CC2D2B: variants seen among roughly 807,000 people sequenced by gnomAD.
The protein encoded by CC2D2B is protein CC2D2B.
CC2D2B carries 128 observed loss-of-function variants against 161.2 expected under a neutral mutation model. The ratio of observed to expected loss-of-function variants is 0.79; its 90% confidence interval spans 0.69 to 0.92. The LOEUF is 0.92. CC2D2B is among the 40% of genes least tolerant of loss of function. The probability of loss-of-function intolerance (pLI) is 0.00; values close to 1 mark genes in which losing one functional copy is unlikely to be tolerated. For missense variants in CC2D2B, 1,173 were observed against 1,375.1 expected, an observed-to-expected ratio of 0.85 and a Z score of 2.32; for synonymous variants, 391 against 449.8, an observed-to-expected ratio of 0.87 and a Z score of 1.65.
At chr10:95,996,092 C>T (rs1201962124) in intron 23 of CC2D2B, 51 bp from the exon 24 acceptor site, 7 of 793,818 alleles carry the variant, frequency 8.8e-6, no homozygotes, top group East Asian at 6.0e-5. Context: ...CTACCTTTAT[C>T]GACTATATAT....
In CC2D2B at chr10:96,019,183, C is replaced by T. The variant is rs1361770201; in HGVS notation, c.3631-20C>T. The T allele has an allele frequency of 1.3e-6, 2 of 1,549,658 alleles. No homozygotes were observed. Among genetic ancestry groups the T allele is most frequent in the Non-Finnish European group, 1.7e-6 (2 of 1,151,306 alleles). Reference sequence around the variant, plus strand: ...AATTATTTAAATCCACCAAAAATTACTTTCTTTTTTCTCATACAGGGGCAT... The same window carrying T: ...AATTATTTAAATCCACCAAAAATTATTTTCTTTTTTCTCATACAGGGGCAT... On this transcript the variant is annotated intron_variant, in intron 30 of 34. Transcript: ENST00000646931.
chr10:95,925,293 A>G (rs1416067865), intron 5 of CC2D2B, among the ~76,000 whole-genome samples: 2 of 152,198 alleles, frequency 1.3e-5, no homozygotes, highest in Admixed American at 6.5e-5. Context: ...AGTAGCCTTA[A>G]AGTTCCTAGT....
intron 17 of CC2D2B, among the ~76,000 whole-genome samples, chr10:95,981,330 T>C (rs551783746): frequency 2.2e-4 from 32 of 145,974 alleles, no homozygotes; most frequent in African/African-American, 7.6e-4. Flanking sequence ...GAGGCAGAGG[T>C]TGCAGTGAGC....
intron 3 of CC2D2B, among the ~76,000 whole-genome samples, chr10:95,923,562 A>G (rs1221305462): frequency 6.6e-6 from 1 of 152,192 alleles, no homozygotes; most frequent in Non-Finnish European, 1.5e-5. Context: ...TTTTTGTATT[A>G]GTATACTTCA....
At chr10:95,993,946 GTATGTGTATATA>G (rs1242207305) in intron 22 of CC2D2B, among the ~76,000 whole-genome samples, 397 of 28,984 alleles carry the variant, frequency 0.014, 28 homozygotes, top group Non-Finnish European at 0.02. Flanking sequence ...GTGTGTGTAT[GTATGTGTATATA>G]TATATATATA....
At chr10:95,912,864 G>A (rs771181784) in intron 2 of CC2D2B, among the ~76,000 whole-genome samples, 22 of 152,006 alleles carry the variant, frequency 1.4e-4, no homozygotes, top group Admixed American at 1.3e-3. Flanking sequence ...TAGGTATGGG[G>A]TACATGAGAT....
At chr10:95,999,936 G>C in intron 24 of CC2D2B, 1 of 530,436 alleles carries the variant, frequency 1.9e-6, no homozygotes, top group Admixed American at 2.5e-5. Context: ...CACGTGTTTC[G>C]GGAAGCTATC....
At chr10:95,985,811 G>C (rs575386196) in intron 19 of CC2D2B, among the ~76,000 whole-genome samples, 5 of 152,328 alleles carry the variant, frequency 3.3e-5, no homozygotes, top group African/African-American at 1.2e-4. Context: ...CTGAGAAAGA[G>C]AATGTGTGCC....
intron 24 of CC2D2B, chr10:95,999,834 C>T: frequency 4.2e-6 from 2 of 474,026 alleles, no homozygotes. Context: ...CATTGGGTCT[C>T]ACAAAGGGTG....
At chr10:95,917,883 T>C (rs1204199398) in intron 2 of CC2D2B, among the ~76,000 whole-genome samples, 1 of 152,158 alleles carries the variant, frequency 6.6e-6, no homozygotes, top group Non-Finnish European at 1.5e-5. Context: ...TTCAGATGAT[T>C]TTCCTGCCTC....
intron 15 of CC2D2B, among the ~76,000 whole-genome samples, chr10:95,971,198 G>T (rs371761282): frequency 6.6e-6 from 1 of 151,942 alleles, no homozygotes; most frequent in Non-Finnish European, 1.5e-5. Context: ...AGTTCAGCCC[G>T]GCCAAAATGA....
chr10:96,025,665 C>T (rs1470667410), intron 33 of CC2D2B, among the ~76,000 whole-genome samples: 1 of 152,216 alleles, frequency 6.6e-6, no homozygotes, highest in Non-Finnish European at 1.5e-5. Flanking sequence ...GCTGGACACT[C>T]CCAGCCTCCC....
chr10:96,027,161 A>C, intron 33 of CC2D2B, 51 bp from the exon 34 acceptor site: 1 of 1,273,720 alleles, frequency 7.9e-7, no homozygotes, highest in Non-Finnish European at 1.1e-6. Flanking sequence ...TATTATATTT[A>C]CCAAATGAGT....
At chr10:95,934,622 C>T (rs186840004) in intron 6 of CC2D2B, among the ~76,000 whole-genome samples, 375 of 152,224 alleles carry the variant, frequency 2.5e-3, no homozygotes, top group Non-Finnish European at 4.2e-3. Flanking sequence ...TCCCTCAGGG[C>T]TTCCCTTGGC....
intron 6 of CC2D2B, among the ~76,000 whole-genome samples, chr10:95,929,930 A>G (rs965944014): frequency 6.6e-6 from 1 of 152,180 alleles, no homozygotes; most frequent in African/African-American, 2.4e-5. Context: ...AATTCTGTGA[A>G]GAAAGTCAAT....
intron 2 of CC2D2B, among the ~76,000 whole-genome samples, chr10:95,916,977 G>A (rs2141129896): frequency 6.6e-6 from 1 of 152,246 alleles, no homozygotes; most frequent in Non-Finnish European, 1.5e-5. Context: ...GTTCAGTGTT[G>A]AAAGTGGGCT....
At chr10:95,964,927 C>A (rs1250949384) in intron 12 of CC2D2B, among the ~76,000 whole-genome samples, 1 of 152,128 alleles carries the variant, frequency 6.6e-6, no homozygotes, top group Non-Finnish European at 1.5e-5. Context: ...AAGAAACCAT[C>A]TTCCCATTAG....
intron 29 of CC2D2B, 50 bp from the exon 30 acceptor site, chr10:96,016,151 C>A: frequency 7.9e-7 from 1 of 1,269,870 alleles, no homozygotes; most frequent in Non-Finnish European, 1.1e-6. Context: ...CGTTACTCAA[C>A]TTTCCCGCAC....
In CC2D2B at chr10:95,922,117, T is replaced by A. The variant is rs767416491; in HGVS notation, c.97+41T>A. On this transcript the variant is annotated intron_variant, in intron 3 of 34. Transcript: ENST00000646931. ...ACCATAACTCTGATACTCTTCATTT[T>A]TATTTTTAAAGATGTAAATGATTAA... 1.1e-5 allele frequency: 12 copies of A among 1,090,320 alleles called. No homozygotes were observed. In the South Asian group the frequency reaches 1.4e-4, roughly 13 times the overall value. 67.5% of individuals were successfully genotyped at this position (1,090,320 alleles called of 1,614,324 possible).
Sources: allele counts gnomAD v4.1 joint callset (sites outside exome capture counted in the v4.1 genomes callset), GRCh38; gene constraint gnomAD v4.1.1; transcripts MANE v1.5; gene names NCBI Gene and HGNC (gene_info 2026-07-23, HGNC 2026-07-21).